ZGRF1: variants seen among roughly 807,000 people sequenced by gnomAD.
ZGRF1 encodes the protein 5'-3' DNA helicase ZGRF1.
A neutral mutation model predicts 203.5 loss-of-function variants in ZGRF1; 196 were observed. The observed-to-expected ratio is 0.96, with a 90% CI of 0.86 to 1.08. The LOEUF (loss-of-function observed/expected upper bound fraction) is 1.08, where lower values mean the gene tolerates loss of function less well. Among genes scored for constraint, ZGRF1 ranks in the 50% least tolerant of loss-of-function variants. ZGRF1 has a pLI of 0.00. For missense variants in ZGRF1, 2,326 were observed against 2,416.3 expected (o/e 0.96, Z 0.78); for synonymous variants, 809 against 841.3 (o/e 0.96, Z 0.66).
chr4:112,565,757 C>G (rs1742941032), intron 16 of ZGRF1, among the ~76,000 whole-genome samples: 1 of 152,186 alleles, frequency 6.6e-6, no homozygotes, highest in African/African-American at 2.4e-5. Flanking sequence ...TGCTCACCAT[C>G]ACTGGCCATC....
Position 112,601,631 on chromosome 4 carries a change from G to A in ZGRF1, c.2976+1893C>T, listed in dbSNP as rs570961085. Among the ~76,000 whole-genome samples, 28 of 151,518 alleles carry A rather than the reference G, an allele frequency of 1.8e-4. No homozygotes were observed. The South Asian group carries it at 4.6e-3, about 25-fold the overall frequency. On this transcript the variant is annotated intron_variant, in intron 10 of 27. Coordinates refer to ENST00000505019, the MANE Select transcript of ZGRF1 (RefSeq NM_018392.5). ...TGGGCACATGTAGTCCCAGCTACTC[G>A]AGAGTCTGAGGCAGGAGGATTGCTT...
Position 112,562,560 on chromosome 4 carries a change from C to A in ZGRF1, c.4583-75G>T, listed in dbSNP as rs1742205901. 4 of 859,330 alleles carry A rather than the reference C, an allele frequency of 4.7e-6. No homozygotes were observed. The Admixed American group carries it at 8.4e-5, about 18-fold the overall frequency. The allele number at this position is 859,330 out of a possible 1,614,324, so 53.2% of individuals were successfully genotyped here. ...ATAAAAACTCTGTGTTAAATGCCCA[C>A]ATAACTCAGAGTTCAGCTACTGAAT... On this transcript the variant is annotated intron_variant, in intron 17 of 27. Coordinates refer to ENST00000505019, the MANE Select transcript of ZGRF1 (RefSeq NM_018392.5).
rs997083124 is a variant in ZGRF1 at position 112,554,653 on chromosome 4, T to A, written c.5198+52A>T. ...ACTTAAGGTAAGAGTGATATAAAAG[T>A]ACCATACTTCCCTCTGACCATTCTG... On this transcript the variant is annotated intron_variant, in intron 21 of 27. Coordinates refer to ENST00000505019, the MANE Select transcript of ZGRF1 (RefSeq NM_018392.5). 3.5e-6 allele frequency: 3 copies of A among 859,394 alleles called. No homozygotes were observed. The Admixed American group carries it at 6.6e-5, about 19-fold the overall frequency. 53.2% of individuals were successfully genotyped at this position (859,394 alleles called of 1,614,324 possible).
In ZGRF1 at chr4:112,540,084, T is replaced by C. The variant is rs780748235; in HGVS notation, c.5951A>G (p.Asp1984Gly). 49 of 1,594,876 alleles carry C rather than the reference T, an allele frequency of 3.1e-5. No homozygotes were observed. The South Asian group carries it at 5.2e-4, about 17-fold the overall frequency. ...LLSAVDFHHP[D>G]IKTVQVSTVD... ...TGTGGACACCTGCACAGTTTTAATA[T>C]CAGGATGGTGAAAGTCCACAGCACT... Residue 1984 changes from aspartate to glycine, a missense_variant, in exon 27 of 28, where the codon GAT becomes GGT. Coordinates refer to ENST00000505019, the MANE Select transcript of ZGRF1 (RefSeq NM_018392.5).
Position 112,618,920 on chromosome 4 carries a change from G to A in ZGRF1, c.1122C>T (p.Phe374=), listed in dbSNP as rs775473648. Residue 374 remains phenylalanine, a synonymous_variant, in exon 6 of 28, where the codon TTC becomes TTT. Coordinates refer to ENST00000505019, the MANE Select transcript of ZGRF1 (RefSeq NM_018392.5). ...TCCTCTCTTCAGCATACGTTTCAAC[G>A]AACTGTATAATTTTTTGTAATGAAA... ...KDLSLQKIIQ[F]VETYAEERKK... 54 of 1,613,608 alleles carry A rather than the reference G, an allele frequency of 3.3e-5. No homozygotes were observed. Among genetic ancestry groups the A allele is most frequent in the African/African-American group, 2.5e-4 (19 of 74,860 alleles).
chr4:112,636,804 A>G (rs1328023551), intron 1 of ZGRF1, 47 bp downstream of exon 1: 2 of 152,082 alleles, frequency 1.3e-5, no homozygotes, highest in African/African-American at 4.8e-5. Flanking sequence ...TTCGCCCCAA[A>G]TCGCTCAAGT....
At chr4:112,575,547 C>A (rs181312474) in intron 16 of ZGRF1, among the ~76,000 whole-genome samples, 10 of 152,294 alleles carry the variant, frequency 6.6e-5, no homozygotes, top group South Asian at 2.1e-4. Flanking sequence ...GTGTGACAGA[C>A]GGCACCTGGA....
intron 10 of ZGRF1, among the ~76,000 whole-genome samples, chr4:112,592,349 C>T (rs1278821997): frequency 3.9e-5 from 6 of 152,078 alleles, no homozygotes; most frequent in African/African-American, 9.7e-5. Flanking sequence ...CCACCTGACT[C>T]GGCCTCCCAA....
chr4:112,560,723 T>C lies in ZGRF1; in HGVS notation c.4960+10A>G. 6.4e-7 allele frequency: 1 copy of C among 1,554,126 alleles called. No homozygotes were observed. Among genetic ancestry groups the C allele is most frequent in the Non-Finnish European group, 8.7e-7 (1 of 1,146,576 alleles). On this transcript the variant is annotated intron_variant, in intron 19 of 27. Transcript: ENST00000505019. ...AAACAATTACAATTATTTTCTTTCT[T>C]GCTTCTTACCATGTATGATTGTGAT...
intron 16 of ZGRF1, among the ~76,000 whole-genome samples, chr4:112,566,305 A>G (rs1743058508): frequency 7.5e-6 from 1 of 134,018 alleles, no homozygotes; most frequent in African/African-American, 2.8e-5. Context: ...ACACATGGAC[A>G]CAGGAAGGGG....
chr4:112,585,647 G>A lies in ZGRF1; in HGVS notation c.3995C>T (p.Thr1332Ile). The A allele has an allele frequency of 1.2e-6, 2 of 1,607,696 alleles. No homozygotes were observed. Among genetic ancestry groups the A allele is most frequent in the Non-Finnish European group, 1.7e-6 (2 of 1,177,230 alleles). Residue 1332 changes from threonine (T) to isoleucine (I), a missense_variant, in exon 14 of 28, where the codon ACA becomes ATA. By Grantham distance (89) the Thr-to-Ile change is moderately conservative (BLOSUM62 -1). Coordinates refer to ENST00000505019, the MANE Select transcript of ZGRF1 (RefSeq NM_018392.5). ...ALSKVDISFY[T>I]SLKGEKLKNA... The stretch of plus-strand genomic sequence containing the variant: ...TTTCAGTTTCTCTCCCTTCAATGAT[G>A]TATAAAATGATATGTCAACTTTTGA...
intron 3 of ZGRF1, among the ~76,000 whole-genome samples, chr4:112,631,727 T>C (rs2047416447): frequency 6.6e-6 from 1 of 152,134 alleles, no homozygotes; most frequent in Non-Finnish European, 1.5e-5. Flanking sequence ...GGATAACAGA[T>C]CTTATTCGTT....
At chr4:112,594,730 G>A (rs1234600681) in intron 10 of ZGRF1, among the ~76,000 whole-genome samples, 1 of 151,774 alleles carries the variant, frequency 6.6e-6, no homozygotes, top group Admixed American at 6.6e-5. Flanking sequence ...TGGGATTACA[G>A]GTGTGAGCCA....
chr4:112,565,397 T>C (rs879087400), intron 16 of ZGRF1: 5 of 884,684 alleles, frequency 5.7e-6, no homozygotes, highest in Non-Finnish European at 3.7e-6. Context: ...GAATGTGCTT[T>C]AGAATCCACT....
In ZGRF1 at chr4:112,606,400, G is replaced by A. The variant is rs113015900; in HGVS notation, c.2719-309C>T. ...GGTATAACTGGGTGCAGTGGCTTAC[G>A]CCTGTAATCCCAGCACTTTGGGAGG... On this transcript the variant is annotated intron_variant, in intron 8 of 27. Coordinates refer to ENST00000505019, the MANE Select transcript of ZGRF1 (RefSeq NM_018392.5). Among the ~76,000 whole-genome samples the A allele has an allele frequency of 1.3e-3, 194 of 152,204 alleles. 1 individual carries two copies. Among genetic ancestry groups the A allele is most frequent in the African/African-American group, 4.1e-3 (171 of 41,536 alleles).
chr4:112,589,562 A>G, intron 11 of ZGRF1, 162 bp downstream of exon 11: 1 of 630,422 alleles, frequency 1.6e-6, no homozygotes, highest in Non-Finnish European at 2.8e-6. Context: ...TGGAATAGCT[A>G]TCTATGATAG....
In ZGRF1 at chr4:112,600,427, A is replaced by G. The variant is rs117636079; in HGVS notation, c.2976+3097T>C. On this transcript the variant is annotated intron_variant, in intron 10 of 27. Coordinates refer to ENST00000505019, the MANE Select transcript of ZGRF1 (RefSeq NM_018392.5). Reference sequence around the variant, plus strand: ...GATAAACTAGGGCCAGGTGTGGTGGATCACTCCTGTAATCCCAGTACTTTG... The same window carrying G: ...GATAAACTAGGGCCAGGTGTGGTGGGTCACTCCTGTAATCCCAGTACTTTG... Among the ~76,000 whole-genome samples, 1,086 of 152,176 alleles carry G rather than the reference A, an allele frequency of 7.1e-3. 32 individuals carry two copies. The East Asian group carries it at 0.094, about 13-fold the overall frequency.
chr4:112,562,342 C>A, intron 18 of ZGRF1, 29 bp downstream of exon 18: 1 of 1,190,128 alleles, frequency 8.4e-7, no homozygotes, highest in South Asian at 1.3e-5. Flanking sequence ...TTTTTAATAC[C>A]AATGACTCAA....
chr4:112,605,190 T>G (rs1750591401), intron 9 of ZGRF1, among the ~76,000 whole-genome samples: 1 of 151,972 alleles, frequency 6.6e-6, no homozygotes, highest in Admixed American at 6.6e-5. Context: ...AGACAGAGTT[T>G]CGTTCTGTCA....
Sources: gnomAD v4.1 joint callset for allele counts (sites outside exome capture counted in the v4.1 genomes callset) on GRCh38, gnomAD v4.1.1 for gene constraint, MANE v1.5 for transcripts, NCBI Gene and HGNC (gene_info 2026-07-23, HGNC 2026-07-21) for gene names.